The following ABCB4 variants were observed in gnomAD, a reference collection of about 807,000 sequenced individuals.
ABCB4 encodes the protein phosphatidylcholine translocator ABCB4.
Under a neutral mutation model 145.7 loss-of-function variants are expected in ABCB4, and 76 were observed. The observed-to-expected ratio is 0.52, with a 90% CI of 0.43 to 0.63. The LOEUF is 0.63. Ranked by LOEUF, ABCB4 falls within the 30% of genes least tolerant of loss-of-function variation. The probability of loss-of-function intolerance (pLI) is 0.00; values close to 1 mark genes in which losing one functional copy is unlikely to be tolerated. For missense variants in ABCB4, 1,234 were observed against 1,553.1 expected (o/e 0.79, Z 3.45); for synonymous variants, 517 against 566.8 (o/e 0.91, Z 1.25).
the ABCB4 span, chr7:87,393,009 G>A: frequency 8.7e-6 from 14 of 1,613,598 alleles, no homozygotes; most frequent in Non-Finnish European, 1.2e-5. Context: ...AGTCCAGGGA[G>A]TGGTAGTTCC....
chr7:87,409,152 A>C, intron 24 of ABCB4, 84 bp downstream of exon 24: 1 of 1,510,542 alleles, frequency 6.6e-7, no homozygotes. Flanking sequence ...TAATCATCAC[A>C]AACTTATCCT....
At chr7:87,420,590 G>A (rs892176002) in intron 18 of ABCB4, among the ~76,000 whole-genome samples, 19 of 152,170 alleles carry the variant, frequency 1.2e-4, no homozygotes, top group South Asian at 4.1e-4. Flanking sequence ...AAACCTGCCC[G>A]TTGTGTGGGT....
At chr7:87,432,262 A>T (rs1260414178) in intron 14 of ABCB4, among the ~76,000 whole-genome samples, 1 of 152,198 alleles carries the variant, frequency 6.6e-6, no homozygotes, top group Non-Finnish European at 1.5e-5. Context: ...TAATGCCAAT[A>T]AAAGTATTGA....
chr7:87,440,750 C>CT (rs897140796), intron 12 of ABCB4, among the ~76,000 whole-genome samples: 4 of 151,172 alleles, frequency 2.6e-5, no homozygotes, highest in South Asian at 2.1e-4. Flanking sequence ...TGGTGTTCTG[C>CT]TTTTTTTTTG....
the ABCB4 span, chr7:87,375,960 A>G: frequency 6.6e-7 from 1 of 1,525,662 alleles, no homozygotes; most frequent in South Asian, 1.3e-5. Context: ...TGAGGTACTT[A>G]ACTACCTTCT....
intron 5 of ABCB4, among the ~76,000 whole-genome samples, chr7:87,453,340 T>C (rs988404025): frequency 3.3e-5 from 5 of 152,118 alleles, no homozygotes; most frequent in East Asian, 3.9e-4. Context: ...TGCACCACCA[T>C]ACCTGGCTAA....
At chr7:87,377,241 T>C in the ABCB4 span, 1 of 611,416 alleles carries the variant, frequency 1.6e-6, no homozygotes, top group Admixed American at 3.1e-5. Context: ...TTTTATTAAA[T>C]TTGGTTGACG....
At chr7:87,417,616 G>T in intron 20 of ABCB4, 101 bp from the exon 21 acceptor site, 2 of 917,978 alleles carry the variant, frequency 2.2e-6, no homozygotes, top group Non-Finnish European at 3.5e-6. Flanking sequence ...TTCTATGCCT[G>T]AGCTACATTG....
the ABCB4 span, among the ~76,000 whole-genome samples, chr7:87,389,351 T>C: frequency 6.6e-6 from 1 of 152,164 alleles, no homozygotes; most frequent in African/African-American, 2.4e-5. Flanking sequence ...CTGTTCACAA[T>C]AGCAAAGACT....
the ABCB4 span, among the ~76,000 whole-genome samples, chr7:87,385,430 G>T: frequency 1.3e-5 from 2 of 151,754 alleles, no homozygotes; most frequent in Non-Finnish European, 2.9e-5. Context: ...TGATTCCTAG[G>T]TATTTTATAT....
At position 87,401,741 on chromosome 7, in the gene ABCB4, A is replaced by T. The variant is rs1042612414; in HGVS notation, c.*355T>A. The T allele has an allele frequency of 1.9e-5, 6 of 317,688 alleles. No homozygotes were observed. The Admixed American group carries it at 2.2e-4, about 12-fold the overall frequency. 19.7% of individuals were successfully genotyped at this position (317,688 alleles called of 1,614,324 possible). ...TTTTTCTTTTGTACTTGGGAAAATT[A>T]TTCCCAAACTTTCCTGTCTACCCAA... On this transcript the variant is annotated 3_prime_UTR_variant, in exon 28 of 28. Transcript: ENST00000649586.
the ABCB4 span, among the ~76,000 whole-genome samples, chr7:87,381,669 G>A: frequency 2.0e-5 from 3 of 152,048 alleles, no homozygotes; most frequent in Non-Finnish European, 4.4e-5. Flanking sequence ...ATGACCCCAA[G>A]CCCCACCAGA....
chr7:87,401,039 G>A (rs1422595009), downstream of ABCB4, among the ~76,000 whole-genome samples: 2 of 152,162 alleles, frequency 1.3e-5, no homozygotes, highest in Non-Finnish European at 2.9e-5. Context: ...ATTCTGATCA[G>A]GCAAGTTTGG....
At chr7:87,455,608 A>C (rs1410364306) in intron 4 of ABCB4, among the ~76,000 whole-genome samples, 1 of 152,218 alleles carries the variant, frequency 6.6e-6, no homozygotes, top group Non-Finnish European at 1.5e-5. Flanking sequence ...ACAATGACTT[A>C]TTTTTATTTT....
At chr7:87,420,752 T>C (rs1809358382) in intron 18 of ABCB4, among the ~76,000 whole-genome samples, 1 of 152,190 alleles carries the variant, frequency 6.6e-6, no homozygotes, top group African/African-American at 2.4e-5. Context: ...TCAGTATGCA[T>C]TACAATCAAA....
intron 19 of ABCB4, among the ~76,000 whole-genome samples, chr7:87,418,862 G>T (rs1432240809): frequency 6.6e-6 from 1 of 152,144 alleles, no homozygotes; most frequent in Non-Finnish European, 1.5e-5. Flanking sequence ...CCAGATGGCT[G>T]CCATGCTCCT....
At chr7:87,474,796 T>G (rs1584806465) in intron 2 of ABCB4, among the ~76,000 whole-genome samples, 1 of 151,998 alleles carries the variant, frequency 6.6e-6, no homozygotes, top group Non-Finnish European at 1.5e-5. Context: ...GAAGCGCTGC[T>G]TCCCCCTACC....
chr7:87,375,555 T>C, the ABCB4 span: 1 of 963,404 alleles, frequency 1.0e-6, no homozygotes, highest in Non-Finnish European at 1.6e-6. Context: ...TATTGATCAA[T>C]GTTATGACCT....
intron 14 of ABCB4, among the ~76,000 whole-genome samples, chr7:87,432,283 T>C (rs1810295620): frequency 6.6e-6 from 1 of 152,220 alleles, no homozygotes; most frequent in South Asian, 2.1e-4. Context: ...TATTATGTCA[T>C]TAATAATGGC....
Sources: allele counts gnomAD v4.1 joint callset (sites outside exome capture counted in the v4.1 genomes callset), GRCh38; gene constraint gnomAD v4.1.1; transcripts MANE v1.5; gene names NCBI Gene and HGNC (gene_info 2026-07-23, HGNC 2026-07-21).